The following CLYBL variants were observed in gnomAD, a reference collection of about 807,000 sequenced individuals.
CLYBL encodes the protein citramalyl-CoA lyase, mitochondrial.
CLYBL carries 31 observed loss-of-function variants against 38.9 expected under a neutral mutation model. The ratio of observed to expected loss-of-function variants is 0.80; its 90% CI spans 0.60 to 1.08. The LOEUF is 1.08. CLYBL is among the 50% of genes least tolerant of loss of function. The probability of loss-of-function intolerance (pLI) is 0.00; values close to 1 mark genes in which losing one functional copy is unlikely to be tolerated. For synonymous variants in CLYBL, 171 were observed against 158.6 expected (o/e 1.08, Z -0.59); for missense variants, 434 against 411.6 (o/e 1.05, Z -0.47).
At chr13:99,770,964 C>T (rs1357691153) in intron 1 of CLYBL, among the ~76,000 whole-genome samples, 1 of 151,590 alleles carries the variant, frequency 6.6e-6, no homozygotes, top group East Asian at 1.9e-4. Flanking sequence ...TCATGATCCA[C>T]CCGCCTTGGC....
At chr13:99,656,868 T>C (rs555972068) in intron 1 of CLYBL, among the ~76,000 whole-genome samples, 5 of 152,326 alleles carry the variant, frequency 3.3e-5, no homozygotes, top group Admixed American at 3.3e-4. Context: ...TACTGCTGGC[T>C]CTAGGAAGGA....
At chr13:99,790,679 TC>T in intron 2 of CLYBL, among the ~76,000 whole-genome samples, 1 of 152,284 alleles carries the variant, frequency 6.6e-6, no homozygotes, top group East Asian at 1.9e-4. Context: ...TTCAGAAGCA[TC>T]CAGTATTCTA....
chr13:99,728,102 G>A (rs374579177), intron 1 of CLYBL, among the ~76,000 whole-genome samples: 21 of 152,108 alleles, frequency 1.4e-4, no homozygotes, highest in African/African-American at 5.1e-4. Flanking sequence ...GACAATATTA[G>A]TATTAATATT....
intron 1 of CLYBL, among the ~76,000 whole-genome samples, chr13:99,763,303 T>G (rs2138745155): frequency 6.6e-6 from 1 of 152,336 alleles, no homozygotes; most frequent in African/African-American, 2.4e-5. Context: ...TAGCTATGGG[T>G]TTGTCATATA....
At chr13:99,765,249 C>T (rs1450461118) in intron 1 of CLYBL, among the ~76,000 whole-genome samples, 1 of 152,104 alleles carries the variant, frequency 6.6e-6, no homozygotes, top group Non-Finnish European at 1.5e-5. Context: ...GCTGCTTCCC[C>T]CTGGCCTGTA....
intron 2 of CLYBL, among the ~76,000 whole-genome samples, chr13:99,857,319 A>C (rs552271278): frequency 6.6e-6 from 1 of 152,238 alleles, no homozygotes; most frequent in South Asian, 2.1e-4. Flanking sequence ...TGTCTCAAAA[A>C]AAAGAGAAGA....
At chr13:99,759,271 G>A (rs571744499) in intron 1 of CLYBL, among the ~76,000 whole-genome samples, 2 of 152,318 alleles carry the variant, frequency 1.3e-5, no homozygotes, top group African/African-American at 2.4e-5. Context: ...GTTTAAGGAA[G>A]CCCTAAACTA....
intron 2 of CLYBL, among the ~76,000 whole-genome samples, chr13:99,781,172 ATT>A (rs1476760524): frequency 1.4e-5 from 2 of 146,338 alleles, no homozygotes; most frequent in Non-Finnish European, 3.0e-5. Context: ...ATTTTTATTT[ATT>A]TATTTATTTA....
intron 2 of CLYBL, among the ~76,000 whole-genome samples, chr13:99,851,367 CAAAAAAA>C (rs35539387): frequency 1.6e-5 from 1 of 63,098 alleles, no homozygotes; most frequent in South Asian, 6.4e-4. Flanking sequence ...AAGTCCACCT[CAAAAAAA>C]AAAAAAAAAA....
At chr13:99,704,759 G>A (rs1014659513) in intron 1 of CLYBL, among the ~76,000 whole-genome samples, 1 of 152,168 alleles carries the variant, frequency 6.6e-6, no homozygotes, top group South Asian at 2.1e-4. Context: ...GCAGGTGATG[G>A]TAGTACACTT....
chr13:99,796,813 G>A (rs185307476), intron 2 of CLYBL, among the ~76,000 whole-genome samples: 1 of 152,286 alleles, frequency 6.6e-6, no homozygotes, highest in Non-Finnish European at 1.5e-5. Flanking sequence ...AGACACAGTA[G>A]TGTAGACTGG....
At chr13:99,781,562 GC>G (rs995958363) in intron 2 of CLYBL, among the ~76,000 whole-genome samples, 1 of 152,116 alleles carries the variant, frequency 6.6e-6, no homozygotes, top group Admixed American at 6.6e-5. Context: ...TGTAACCTCT[GC>G]CCCCCGGGTT....
At chr13:99,877,300 T>G (rs1166879986) in intron 7 of CLYBL, among the ~76,000 whole-genome samples, 1 of 152,226 alleles carries the variant, frequency 6.6e-6, no homozygotes, top group Non-Finnish European at 1.5e-5. Flanking sequence ...TTTTGTTCCT[T>G]GGACACCTTT....
chr13:99,809,636 T>C lies in CLYBL; in HGVS notation c.249+36626T>C, dbSNP rs556243950. On this transcript the variant is annotated intron_variant, in intron 2 of 8. Coordinates refer to ENST00000339105, the MANE Select transcript of CLYBL (RefSeq NM_206808.5). The stretch of plus-strand genomic sequence containing the variant: ...GGGATGGCTGCAGGCCCCTTGGCTG[T>C]CACGCTGTTAGCGATTAGCTGTTTT... Among the ~76,000 whole-genome samples, 3 of 152,370 alleles carry C rather than the reference T, an allele frequency of 2.0e-5. No homozygotes were observed. The East Asian group carries it at 5.8e-4, about 29-fold the overall frequency.
chr13:99,616,906 A>C (rs1726418352), intron 1 of CLYBL, among the ~76,000 whole-genome samples: 1 of 152,126 alleles, frequency 6.6e-6, no homozygotes, highest in Non-Finnish European at 1.5e-5. Flanking sequence ...CAGTGAGCCA[A>C]GATCATGCCA....
intron 1 of CLYBL, among the ~76,000 whole-genome samples, chr13:99,739,139 C>T (rs1327971097): frequency 3.3e-5 from 5 of 152,056 alleles, no homozygotes; most frequent in Non-Finnish European, 1.5e-5. Context: ...ATGAAATAGT[C>T]ATCTAATAAT....
chr13:99,790,920 C>T (rs2049902596), intron 2 of CLYBL, among the ~76,000 whole-genome samples: 2 of 152,124 alleles, frequency 1.3e-5, no homozygotes, highest in East Asian at 1.9e-4. Context: ...GCCAATGGCT[C>T]CTGAGAAACG....
chr13:99,828,320 G>T (rs1046079339), intron 2 of CLYBL, among the ~76,000 whole-genome samples: 2 of 152,214 alleles, frequency 1.3e-5, no homozygotes, highest in Non-Finnish European at 2.9e-5. Flanking sequence ...GGTTTTCTGA[G>T]TGAAGTCAGT....
At position 99,904,304 on chromosome 13, in the gene CLYBL, G is replaced by A. The variant is rs2052672268; in HGVS notation, c.*25-966G>A. Among the ~76,000 whole-genome samples the A allele has an allele frequency of 2.0e-5, 3 of 152,170 alleles. No homozygotes were observed. In the South Asian group the frequency reaches 6.2e-4, roughly 32 times the overall value. ...AGACAGAACTCCCAGACCTCGAAAG[G>A]CGAAATGTGGCCCCTTCCATTTGCA... On this transcript the variant is annotated intron_variant and NMD_transcript_variant, in intron 8 of 9. Coordinates refer to the CLYBL transcript ENST00000689673.
Sources: allele counts gnomAD v4.1 joint callset (sites outside exome capture counted in the v4.1 genomes callset), GRCh38; gene constraint gnomAD v4.1.1; transcripts MANE v1.5; gene names NCBI Gene and HGNC (gene_info 2026-07-23, HGNC 2026-07-21).